AP4E1: variants seen among roughly 807,000 people sequenced by gnomAD.
AP4E1 encodes adaptor related protein complex 4 subunit epsilon 1, also known as AP-4 complex subunit epsilon-1.
In AP4E1, 56 loss-of-function variants were observed where a neutral mutation model predicts 128.2. The ratio of observed to expected loss-of-function variants is 0.44; its 90% confidence interval spans 0.35 to 0.55. The LOEUF (loss-of-function observed/expected upper bound fraction) is 0.55. AP4E1 is among the 20% of genes least tolerant of loss of function. AP4E1 has a pLI of 0.00. For missense variants in AP4E1, 1,324 were observed against 1,307.7 expected (o/e 1.01, Z -0.19); for synonymous variants, 484 against 473.1 (o/e 1.02, Z -0.30).
At chr15:50,920,902 G>A (rs546530659) in intron 3 of AP4E1, among the ~76,000 whole-genome samples, 4 of 152,236 alleles carry the variant, frequency 2.6e-5, no homozygotes, top group South Asian at 2.1e-4. Flanking sequence ...AGGTTCAAGC[G>A]ATTTTCCTGC....
intron 2 of AP4E1, among the ~76,000 whole-genome samples, chr15:50,913,393 G>A (rs953620036): frequency 2.6e-5 from 4 of 152,162 alleles, no homozygotes; most frequent in African/African-American, 9.7e-5. Flanking sequence ...AATTTTCCTT[G>A]TTCCAAGGCA....
chr15:50,950,112 T>G lies in AP4E1; in HGVS notation c.1491T>G (p.Thr497=), dbSNP rs755792766. Residue 497 remains threonine, a synonymous_variant, in exon 13 of 21, where the codon ACT becomes ACG. Coordinates refer to ENST00000261842, the MANE Select transcript of AP4E1 (RefSeq NM_007347.5). ...LRLYAVQSYL[T]LLDMENVFYP... ...TCTATGCAGTTCAGTCTTATCTCAC[T>G]TTACTGGATATGGAAAATGTGTTCT... The G allele has an allele frequency of 1.4e-5, 22 of 1,613,550 alleles. No homozygotes were observed. The highest frequency in any genetic ancestry group is 1.9e-5 in the Non-Finnish European group (22 of 1,179,744).
At chr15:50,922,799 A>G (rs2063722714) in intron 3 of AP4E1, among the ~76,000 whole-genome samples, 1 of 147,508 alleles carries the variant, frequency 6.8e-6, no homozygotes, top group Non-Finnish European at 1.5e-5. Context: ...TTTTTTTGAG[A>G]CCGAGTCTTG....
chr15:50,923,775 T>C (rs1234323283), intron 3 of AP4E1, among the ~76,000 whole-genome samples, 156 bp from the exon 4 acceptor site: 1 of 152,178 alleles, frequency 6.6e-6, no homozygotes, highest in Non-Finnish European at 1.5e-5. Context: ...GCTGAAATCT[T>C]CCTTACTGAA....
chr15:50,912,496 T>C (rs2063577551), intron 2 of AP4E1, among the ~76,000 whole-genome samples: 1 of 152,242 alleles, frequency 6.6e-6, no homozygotes, highest in Non-Finnish European at 1.5e-5. Flanking sequence ...ATATTGTAGG[T>C]ATATCTAATT....
At chr15:50,956,982 G>A (rs761097955) in intron 13 of AP4E1, among the ~76,000 whole-genome samples, 3 of 152,166 alleles carry the variant, frequency 2.0e-5, no homozygotes, top group Non-Finnish European at 4.4e-5. Flanking sequence ...GGCTCTGGCA[G>A]GAGCAAAACT....
Position 50,984,229 on chromosome 15 carries a change from A to G in AP4E1, c.2090+84A>G, listed in dbSNP as rs982665432. 2.7e-6 allele frequency: 4 copies of G among 1,477,946 alleles called. No individual in the cohort carries two copies. In the African/African-American group the frequency reaches 4.2e-5, roughly 15 times the overall value. The allele number at this position is 1,477,946 out of a possible 1,614,324, so 91.6% of individuals were successfully genotyped here. On this transcript the variant is annotated intron_variant, in intron 16 of 20. Coordinates refer to ENST00000261842, the MANE Select transcript of AP4E1 (RefSeq NM_007347.5). ...TCCATTTGCCTTCTGCTCCTGCCTC[A>G]TATCATCATGGTCATTATTTGCTTA...
intron 13 of AP4E1, among the ~76,000 whole-genome samples, chr15:50,954,742 C>T (rs974826129): frequency 1.3e-5 from 2 of 152,094 alleles, no homozygotes; most frequent in Admixed American, 6.6e-5. Flanking sequence ...ATGTGCACAA[C>T]GTTCAGGTTT....
chr15:50,911,887 C>G (rs953950129), intron 1 of AP4E1, among the ~76,000 whole-genome samples, 191 bp from the exon 2 acceptor site: 2 of 152,144 alleles, frequency 1.3e-5, no homozygotes, highest in African/African-American at 4.8e-5. Context: ...TTTATTCTCT[C>G]CAGGGATGGT....
chr15:50,929,183 T>A lies in AP4E1; in HGVS notation c.702+15T>A. On this transcript the variant is annotated intron_variant, in intron 6 of 20. Transcript: ENST00000261842. ...GAATGATTAAGGTAAGTTGGAAATTTTAGCAAGTACTGAGTAGTTACCATT... is the reference window on the plus strand; with the variant it reads ...GAATGATTAAGGTAAGTTGGAAATTATAGCAAGTACTGAGTAGTTACCATT... 2 of 1,612,704 alleles carry A rather than the reference T, an allele frequency of 1.2e-6. No individual in the cohort carries two copies. The highest frequency in any genetic ancestry group is 1.7e-6 in the Non-Finnish European group (2 of 1,179,220).
At position 50,997,632 on chromosome 15, in the gene AP4E1, AT is replaced by A; in HGVS notation, c.2658del (p.His887ThrfsTer16). ...ATTGTTTGCTAATAACAACATGGAA[AT>A]TTTTCACCCTCCTCAATCTACTGCA... ...PSLFANNNME[I>X]FHPPQSTAAS... On this transcript the variant is annotated frameshift_variant, in exon 18 of 21. Transcript: ENST00000261842. LOFTEE classifies it high-confidence loss of function. The A allele has an allele frequency of 6.2e-7, 1 of 1,614,032 alleles. No individual in the cohort carries two copies. The highest frequency in any genetic ancestry group is 8.5e-7 in the Non-Finnish European group (1 of 1,179,984).
At chr15:50,920,447 C>G (rs1347219045) in intron 3 of AP4E1, among the ~76,000 whole-genome samples, 2 of 143,612 alleles carry the variant, frequency 1.4e-5, no homozygotes, top group African/African-American at 5.2e-5. Flanking sequence ...GTCTCTGTCA[C>G]CTAGGCTGGA....
At chr15:50,999,859 C>G (rs570308223) in intron 19 of AP4E1, among the ~76,000 whole-genome samples, 1 of 124,994 alleles carries the variant, frequency 8.0e-6, no homozygotes, top group Non-Finnish European at 1.6e-5. Context: ...CCCCTCCCCC[C>G]ACCCCACAAC....
At chr15:50,988,004 A>T (rs905381833) in intron 16 of AP4E1, among the ~76,000 whole-genome samples, 2 of 152,160 alleles carry the variant, frequency 1.3e-5, no homozygotes, top group Admixed American at 6.6e-5. Context: ...TTATACATCC[A>T]GGCTGATGTT....
At chr15:50,908,126 G>A (rs923334974), upstream of AP4E1, among the ~76,000 whole-genome samples, 2 of 152,220 alleles carry the variant, frequency 1.3e-5, no homozygotes, top group Admixed American at 6.5e-5. Flanking sequence ...GGAGAAGAGG[G>A]GCGGACGGGA....
rs1400763861 is a variant in AP4E1, at chr15:50,948,152, G to T, written c.1309G>T (p.Ala437Ser). 1 of 1,613,824 alleles carries T rather than the reference G, an allele frequency of 6.2e-7. No individual in the cohort carries two copies. The highest frequency in any genetic ancestry group is 1.7e-5 in the Admixed American group (1 of 60,010). ...VNLVGKIAEL[A>S]EKYAPDNAWF... ...TTTGGTCGGCAAAATAGCAGAGCTG[G>T]CTGAGAAATATCCTTTTATTTCGAC... Residue 437 changes from alanine to serine, a missense_variant, in exon 11 of 21, where the codon GCT becomes TCT. By Grantham distance (99) the Ala-to-Ser change is moderately conservative (BLOSUM62 1). Transcript: ENST00000261842.
intron 11 of AP4E1, among the ~76,000 whole-genome samples, chr15:50,949,378 C>T (rs1326712207): frequency 6.7e-6 from 1 of 150,298 alleles, no homozygotes; most frequent in East Asian, 1.9e-4. Flanking sequence ...GCACCACTGC[C>T]CTCCAGGCTT....
At chr15:50,976,035 A>C (rs964669225) in intron 15 of AP4E1, among the ~76,000 whole-genome samples, 1 of 152,168 alleles carries the variant, frequency 6.6e-6, no homozygotes, top group Non-Finnish European at 1.5e-5. Flanking sequence ...AGGAGAGAAC[A>C]TTTCTAAACT....
intron 14 of AP4E1, among the ~76,000 whole-genome samples, chr15:50,963,314 A>G (rs980258573): frequency 2.6e-5 from 4 of 152,206 alleles, no homozygotes; most frequent in Admixed American, 2.0e-4. Flanking sequence ...CTGCAGTACT[A>G]TTCACAATAG....
Sources: allele counts gnomAD v4.1 joint callset (sites outside exome capture counted in the v4.1 genomes callset), GRCh38; gene constraint gnomAD v4.1.1; transcripts MANE v1.5; gene names NCBI Gene and HGNC (gene_info 2026-07-23, HGNC 2026-07-21).